Variants in MAPK10 observed in about 807,000 individuals in gnomAD.
The protein encoded by MAPK10 is JNK3 alpha protein kinase.
MAPK10 carries 25 observed loss-of-function variants against 59.3 expected under a neutral mutation model. The observed-to-expected ratio is 0.42, with a 90% confidence interval of 0.31 to 0.59. The LOEUF (loss-of-function observed/expected upper bound fraction) is 0.59, where lower values mean the gene tolerates loss of function less well. MAPK10 is among the 20% of genes least tolerant of loss of function. The pLI is 0.15. For missense variants in MAPK10, 351 were observed against 568.9 expected, an observed-to-expected ratio of 0.62 and a Z score of 3.90; for synonymous variants, 190 against 200.5, an observed-to-expected ratio of 0.95 and a Z score of 0.44.
At chr4:86,305,931 A>G (rs1485111470) in intron 2 of MAPK10, among the ~76,000 whole-genome samples, 1 of 152,198 alleles carries the variant, frequency 6.6e-6, no homozygotes. Context: ...CATGCTTAAT[A>G]TTATCACAAT....
intron 1 of MAPK10, among the ~76,000 whole-genome samples, chr4:86,365,838 C>G (rs1737789229): frequency 6.6e-6 from 1 of 151,710 alleles, no homozygotes; most frequent in Non-Finnish European, 1.5e-5. Context: ...TGAATCTTAT[C>G]AGTTCTATCA....
At chr4:86,508,797 G>A (rs567368705) in intron 1 of MAPK10, among the ~76,000 whole-genome samples, 1 of 152,256 alleles carries the variant, frequency 6.6e-6, no homozygotes, top group South Asian at 2.1e-4. Context: ...CTTCCTGACA[G>A]GATTTATAGA....
In MAPK10 at chr4:86,296,148, C is replaced by T. The variant is rs576031662; in HGVS notation, c.-7+58382G>A. Among the ~76,000 whole-genome samples, 6 of 148,120 alleles carry T rather than the reference C, an allele frequency of 4.1e-5. No homozygotes were observed. In the South Asian group the frequency reaches 1.3e-3, roughly 32 times the overall value. ...CTGAGATTGTGCCACTGCACTCCAG[C>T]CTGAGTGACAGAGTAAGACTTGGTC... On this transcript the variant is annotated intron_variant, in intron 2 of 13. Transcript: ENST00000641462.
At position 86,401,445 on chromosome 4, in the gene MAPK10, C is replaced by A. The variant is rs947925311; in HGVS notation, c.-121-46801G>T. On this transcript the variant is annotated intron_variant, in intron 1 of 13. Coordinates refer to the MAPK10 transcript ENST00000361569. ...ATGTAGGAAATTGTGTTAAAAATTACAATTGGTAGAAAGATGTTCTTGAGA... is the reference window on the plus strand; with the variant it reads ...ATGTAGGAAATTGTGTTAAAAATTAAAATTGGTAGAAAGATGTTCTTGAGA... Among the ~76,000 whole-genome samples the A allele has an allele frequency of 2.0e-5, 3 of 152,104 alleles. No homozygotes were observed. The South Asian group carries it at 6.2e-4, about 31-fold the overall frequency.
intron 2 of MAPK10, among the ~76,000 whole-genome samples, chr4:86,295,726 T>C (rs2095343427): frequency 6.8e-6 from 1 of 147,290 alleles, no homozygotes; most frequent in African/African-American, 2.5e-5. Flanking sequence ...TATATATGAA[T>C]ATATAATATA....
intron 11 of MAPK10, among the ~76,000 whole-genome samples, chr4:86,047,294 A>G (rs1473636914): frequency 6.6e-6 from 1 of 152,124 alleles, no homozygotes; most frequent in East Asian, 1.9e-4. Flanking sequence ...TTGAGAAGGT[A>G]ACATTTGAGC....
rs185739552 is a variant in MAPK10, at chr4:86,247,076, C to T, written c.-6-52669G>A. Among the ~76,000 whole-genome samples, 4 of 152,238 alleles carry T rather than the reference C, an allele frequency of 2.6e-5. No individual in the cohort carries two copies. The East Asian group carries it at 7.7e-4, about 29-fold the overall frequency. ...GCATGTTAATTGCCAATTCTGCCAACCGTCAACCAACTGCCAACCATGAAG... is the reference window on the plus strand; with the variant it reads ...GCATGTTAATTGCCAATTCTGCCAATCGTCAACCAACTGCCAACCATGAAG... On this transcript the variant is annotated intron_variant, in intron 2 of 13. Transcript: ENST00000641462.
chr4:86,498,482 A>T (rs1755060981), intron 1 of MAPK10, among the ~76,000 whole-genome samples: 1 of 152,208 alleles, frequency 6.6e-6, no homozygotes, highest in Non-Finnish European at 1.5e-5. Context: ...GTGCCCTGAA[A>T]AGTGACTGGT....
chr4:86,060,584 T>C (rs1294193338), intron 11 of MAPK10, among the ~76,000 whole-genome samples: 2 of 152,084 alleles, frequency 1.3e-5, no homozygotes, highest in Admixed American at 1.3e-4. Flanking sequence ...AGTAATGTGG[T>C]AAGAGATAAG....
intron 1 of MAPK10, among the ~76,000 whole-genome samples, chr4:86,365,430 TCAAAAAAAAA>T (rs1442007360): frequency 0.039 from 410 of 10,464 alleles, 7 homozygotes; most frequent in African/African-American, 0.095. Context: ...AGACTCTGTC[TCAAAAAAAAA>T]AAAAAAAAAA....
intron 8 of MAPK10, chr4:86,100,237 T>C (rs1440603170): frequency 6.6e-6 from 1 of 152,232 alleles, no homozygotes; most frequent in Admixed American, 6.5e-5. Flanking sequence ...GTATATTGAA[T>C]ATGTTTTCAA....
At chr4:86,198,394 A>G (rs1049647191) in intron 2 of MAPK10, among the ~76,000 whole-genome samples, 1 of 152,086 alleles carries the variant, frequency 6.6e-6, no homozygotes, top group Non-Finnish European at 1.5e-5. Context: ...GGCCCGAGGA[A>G]CTGACATGAG....
At chr4:86,483,770 G>A (rs780781738) in intron 1 of MAPK10, among the ~76,000 whole-genome samples, 10 of 152,026 alleles carry the variant, frequency 6.6e-5, no homozygotes, top group Non-Finnish European at 1.2e-4. Flanking sequence ...CAGTCTAGCA[G>A]GGAAAAAAGA....
chr4:86,420,833 G>A (rs1746435239), intron 1 of MAPK10, among the ~76,000 whole-genome samples: 2 of 152,062 alleles, frequency 1.3e-5, no homozygotes, highest in South Asian at 2.1e-4. Flanking sequence ...TGTAATCCCA[G>A]CACTTTGGGA....
At chr4:86,034,259 T>C (rs1419377643) in intron 11 of MAPK10, among the ~76,000 whole-genome samples, 1 of 152,238 alleles carries the variant, frequency 6.6e-6, no homozygotes, top group African/African-American at 2.4e-5. Context: ...ACTTCTTTCA[T>C]ATTATTTTGG....
intron 2 of MAPK10, among the ~76,000 whole-genome samples, chr4:86,200,616 C>T (rs78550851): frequency 0.085 from 12,899 of 151,678 alleles, 1,217 homozygotes; most frequent in African/African-American, 0.23. Flanking sequence ...CATTTATGAA[C>T]GTGTCTTTTT....
At chr4:86,148,252 G>T (rs1240958713) in intron 4 of MAPK10, among the ~76,000 whole-genome samples, 1 of 152,062 alleles carries the variant, frequency 6.6e-6, no homozygotes, top group African/African-American at 2.4e-5. Flanking sequence ...TCGCAGAAAA[G>T]GTGACCCCAT....
At chr4:86,052,490 G>C (rs1192204762) in intron 11 of MAPK10, among the ~76,000 whole-genome samples, 1 of 152,068 alleles carries the variant, frequency 6.6e-6, no homozygotes, top group Non-Finnish European at 1.5e-5. Context: ...AAAATTTTGG[G>C]ATGTTTTTCA....
chr4:86,563,825 T>G (rs1342115790), intron 1 of MAPK10, among the ~76,000 whole-genome samples: 1 of 152,160 alleles, frequency 6.6e-6, no homozygotes, highest in East Asian at 1.9e-4. Context: ...ATGCACAGTT[T>G]AAAACTTAAA....
Sources: gnomAD v4.1 joint callset for allele counts (sites outside exome capture counted in the v4.1 genomes callset) on GRCh38, gnomAD v4.1.1 for gene constraint, MANE v1.5 for transcripts, NCBI Gene and HGNC (gene_info 2026-07-23, HGNC 2026-07-21) for gene names.